ARID3A: variants seen among roughly 807,000 people sequenced by gnomAD.
The protein encoded by ARID3A is AT-rich interactive domain-containing protein 3A.
In ARID3A, 11 loss-of-function variants were observed where a neutral mutation model predicts 52.7. The observed-to-expected ratio is 0.21, with a 90% CI of 0.13 to 0.35. The LOEUF is 0.35. ARID3A is among the 10% of genes least tolerant of loss of function. The pLI is 1.00. For synonymous variants in ARID3A, 404 were observed against 359.4 expected (o/e 1.12, Z -1.40); for missense variants, 721 against 838.5 (o/e 0.86, Z 1.73).
rs140899913 is a variant in ARID3A, at chr19:944,991, A to G, written c.693+12249A>G. ...GCCCTGTAATTCTTCCCTGACGGCC[A>G]TTTTTCCGGGAGTGGCTGGGCGTCT... On this transcript the variant is annotated intron_variant, in intron 3 of 8. Transcript: ENST00000263620. This position sits in a 1 kb window ranked among gnomAD's most constrained non-coding sequence, Gnocchi z 5.9. 7.6e-3 allele frequency among the ~76,000 whole-genome samples: 1,151 copies of G among 150,916 alleles called. 11 individuals are homozygous for G. Among genetic ancestry groups the G allele is most frequent in the Middle Eastern group, 0.027 (8 of 294 alleles).
rs775171459 is a variant in ARID3A at position 960,183 on chromosome 19, C to A, written c.766+19C>A. On this transcript the variant is annotated intron_variant, in intron 4 of 8. Transcript: ENST00000263620. The surrounding 1 kb of genome is among the most constrained non-coding windows in gnomAD (Gnocchi z 4.3). Reference sequence around the variant, plus strand: ...AAGCGAGGTGAGCCCTCTGCCCCCACCCCGCTGGAGGGAGGTCACAGAAAC... The same window carrying A: ...AAGCGAGGTGAGCCCTCTGCCCCCAACCCGCTGGAGGGAGGTCACAGAAAC... 4.4e-5 allele frequency: 71 copies of A among 1,601,590 alleles called. No individual in the cohort carries two copies. Among genetic ancestry groups the A allele is most frequent in the Non-Finnish European group, 5.2e-5 (61 of 1,171,910 alleles).
chr19:930,444 C>T lies in ARID3A; in HGVS notation c.368+548C>T, dbSNP rs866714236. Among the ~76,000 whole-genome samples the T allele has an allele frequency of 1.4e-4, 19 of 139,462 alleles. No homozygotes were observed. In the East Asian group the frequency reaches 3.4e-3, roughly 25 times the overall value. The allele number at this position is 139,462 out of a possible 152,430, so 91.5% of individuals were successfully genotyped here. On this transcript the variant is annotated intron_variant, in intron 2 of 8. Transcript: ENST00000263620. ...GCAGAAGCCTGTAAACCCAGCTACT[C>T]GGGAGGCTGAGGCAGGAGAATGGCT... is the stretch of plus-strand genomic sequence containing the variant.
At position 943,316 on chromosome 19, in the gene ARID3A, C is replaced by G. The variant is rs575643770; in HGVS notation, c.693+10574C>G. Among the ~76,000 whole-genome samples the G allele has an allele frequency of 9.3e-5, 14 of 151,056 alleles. No individual in the cohort carries two copies. In the East Asian group the frequency reaches 2.7e-3, roughly 29 times the overall value. On this transcript the variant is annotated intron_variant, in intron 3 of 8. Transcript: ENST00000263620. ...GCGCGCAGTGTCTCATGCCTGTAAT[C>G]CCAGCACTTTGGGAGGCCGAGGAGG...
chr19:954,412 C>A (rs928674069), intron 3 of ARID3A, among the ~76,000 whole-genome samples: 1 of 152,246 alleles, frequency 6.6e-6, no homozygotes, highest in Non-Finnish European at 1.5e-5. Flanking sequence ...GAAAGACCCC[C>A]AGGCCTGCCC....
In ARID3A at chr19:973,649, C is replaced by T. The variant is rs1360377345; in HGVS notation, c.*1584C>T. 2 of 226,060 alleles carry T rather than the reference C, an allele frequency of 8.8e-6. No homozygotes were observed. The highest frequency in any genetic ancestry group is 1.3e-4 in the East Asian group (2 of 15,796). The allele number at this position is 226,060 out of a possible 1,614,324, so 14.0% of individuals were successfully genotyped here. A position where few individuals can be genotyped will look rare whatever the true frequency, so the allele number is the denominator to read the frequency against. The stretch of plus-strand genomic sequence containing the variant: ...GGGCCCCGGCATCCTGAACACCCCC[C>T]ACACCCCAACATTCTCCTCGCTCTG... On this transcript the variant is annotated 3_prime_UTR_variant, in exon 9 of 9. Coordinates refer to ENST00000263620, the MANE Select transcript of ARID3A (RefSeq NM_005224.3).
rs1191384494 is a variant in ARID3A, at chr19:974,527, T to A, written c.*2462T>A. 1 of 229,784 alleles carries A rather than the reference T, an allele frequency of 4.4e-6. No homozygotes were observed. The highest frequency in any genetic ancestry group is 8.6e-6 in the Non-Finnish European group (1 of 115,984). The allele number at this position is 229,784 out of a possible 1,614,324, so 14.2% of individuals were successfully genotyped here. A position where few individuals can be genotyped will look rare whatever the true frequency, so the allele number is the denominator to read the frequency against. ...GAAGCGCCTGCTGCCTATCTCTGTC[T>A]ACCTCAGGTCTGACTTTTGATGCCA... On this transcript the variant is annotated 3_prime_UTR_variant, in exon 9 of 9. Transcript: ENST00000263620.
At chr19:930,511 G>T (rs1034449871) in intron 2 of ARID3A, among the ~76,000 whole-genome samples, 1 of 134,872 alleles carries the variant, frequency 7.4e-6, no homozygotes. Flanking sequence ...AAGAATGTGG[G>T]TTTTTTTTTT....
intron 4 of ARID3A, among the ~76,000 whole-genome samples, chr19:961,282 C>T (rs758650528): frequency 6.6e-5 from 10 of 152,194 alleles, no homozygotes; most frequent in Non-Finnish European, 1.5e-4. Context: ...AGACCCGCCA[C>T]TGCCAGCCGC....
chr19:932,500 G>A lies in ARID3A; in HGVS notation c.451G>A (p.Glu151Lys). 2.6e-6 allele frequency: 4 copies of A among 1,555,108 alleles called. No homozygotes were observed. The highest frequency in any genetic ancestry group is 3.5e-6 in the Non-Finnish European group (4 of 1,156,060). ...EEEEEDYEDE[E>K]EEEDEEGLGP... ...GGAGGAGGAGGATTACGAGGATGAG[G>A]AGGAGGAGGAGGACGAGGAGGGGCT... Residue 151 changes from glutamate (E) to lysine (K), a missense_variant, in exon 3 of 9, where the codon GAG (glutamate) becomes AAG (lysine). Physicochemically the swap from Glu to Lys is moderately conservative, Grantham distance 56. Transcript: ENST00000263620.
intron 4 of ARID3A, among the ~76,000 whole-genome samples, chr19:963,614 T>G (rs968913109): frequency 1.4e-4 from 21 of 152,096 alleles, no homozygotes; most frequent in African/African-American, 5.1e-4. Context: ...CCCAGCCGCC[T>G]CTTCTTCCTG....
chr19:964,031 C>T lies in ARID3A; in HGVS notation c.767-217C>T, dbSNP rs559391227. Among the ~76,000 whole-genome samples, 9 of 152,324 alleles carry T rather than the reference C, an allele frequency of 5.9e-5. No homozygotes were observed. Among genetic ancestry groups the T allele is most frequent in the Non-Finnish European group, 7.4e-5 (5 of 68,026 alleles). ...AAGCCCAGGTTACTGGTGGATAAACCGAGGCAGAGCTGCCCCCTCTGCACC... is the reference window on the plus strand; with the variant it reads ...AAGCCCAGGTTACTGGTGGATAAACTGAGGCAGAGCTGCCCCCTCTGCACC... On this transcript the variant is annotated intron_variant, in intron 4 of 8. Transcript: ENST00000263620. The surrounding 1 kb of genome is among the most constrained non-coding windows in gnomAD (Gnocchi z 5.7).
intron 6 of ARID3A, 96 bp from the exon 7 acceptor site, chr19:966,468 AAAAAAAAG>A: frequency 9.3e-7 from 1 of 1,080,612 alleles, no homozygotes; most frequent in Non-Finnish European, 1.3e-6. Context: ...CAAAAAAAAA[AAAAAAAAG>A]AAAAGAAAAG....
At chr19:931,476 C>T (rs1342714545) in intron 2 of ARID3A, among the ~76,000 whole-genome samples, 9 of 146,948 alleles carry the variant, frequency 6.1e-5, no homozygotes, top group Admixed American at 4.1e-4. Context: ...AACAACCAAA[C>T]AAAACCTAGC....
intron 3 of ARID3A, among the ~76,000 whole-genome samples, chr19:933,752 C>T (rs2037381525): frequency 6.7e-6 from 1 of 150,230 alleles, no homozygotes; most frequent in South Asian, 2.1e-4. Flanking sequence ...CCTCAAGAGA[C>T]TTAAGGTTGG....
At chr19:967,130 AC>A (rs1026270368) in intron 7 of ARID3A, among the ~76,000 whole-genome samples, 30 of 152,162 alleles carry the variant, frequency 2.0e-4, no homozygotes, top group African/African-American at 6.7e-4. Flanking sequence ...GTGGCAGCGC[AC>A]CCCTGTAGTC....
chr19:940,303 A>C (rs562023537), intron 3 of ARID3A, among the ~76,000 whole-genome samples: 1 of 152,228 alleles, frequency 6.6e-6, no homozygotes, highest in South Asian at 2.1e-4. Context: ...GAGCCAAAAA[A>C]AATTGCAAAA....
chr19:933,387 C>T (rs1007247434), intron 3 of ARID3A, among the ~76,000 whole-genome samples: 5 of 152,090 alleles, frequency 3.3e-5, no homozygotes, highest in South Asian at 2.1e-4. Flanking sequence ...AGTGGCCGGG[C>T]GGGGGATGCT....
rs1439886833 is a variant in ARID3A, at chr19:971,874, T to C, written c.1595-4T>C. The C allele has an allele frequency of 6.3e-7, 1 of 1,598,056 alleles. No individual in the cohort carries two copies. The highest frequency in any genetic ancestry group is 8.5e-7 in the Non-Finnish European group (1 of 1,172,696). The stretch of plus-strand genomic sequence containing the variant: ...ATGGCATATGTCTTCTGTTCTTGCC[T>C]TAGGAGTTCTGTTTGCTCAGCCGCC... On this transcript the variant is annotated splice_polypyrimidine_tract_variant and splice_region_variant and intron_variant, in intron 8 of 8. Coordinates refer to ENST00000263620, the MANE Select transcript of ARID3A (RefSeq NM_005224.3).
At position 959,546 on chromosome 19, in the gene ARID3A, C is replaced by T. The variant is rs895503285; in HGVS notation, c.694-546C>T. Reference sequence around the variant, plus strand: ...CCCGCCTCCCAAGGTGCTGGGATTACAGGTGTGAGCCGCCACCCTGAAGAG... The same window carrying T: ...CCCGCCTCCCAAGGTGCTGGGATTATAGGTGTGAGCCGCCACCCTGAAGAG... On this transcript the variant is annotated intron_variant, in intron 3 of 8. Transcript: ENST00000263620. The surrounding 1 kb of genome is among the most constrained non-coding windows in gnomAD (Gnocchi z 5.0). Among the ~76,000 whole-genome samples the T allele has an allele frequency of 1.3e-5, 2 of 152,150 alleles. No individual in the cohort carries two copies. Among genetic ancestry groups the T allele is most frequent in the South Asian group, 2.1e-4 (1 of 4,830 alleles).
Sources: allele counts gnomAD v4.1 joint callset (sites outside exome capture counted in the v4.1 genomes callset), GRCh38; gene constraint gnomAD v4.1.1; non-coding constraint Gnocchi (gnomAD v3.1); transcripts MANE v1.5; gene names NCBI Gene and HGNC (gene_info 2026-07-23, HGNC 2026-07-21).